The following RSRC1 variants were observed in gnomAD, a reference collection of about 807,000 sequenced individuals.
RSRC1 encodes the protein serine/Arginine-related protein 53.
A neutral mutation model predicts 49.1 loss-of-function variants in RSRC1; 39 were observed. The ratio of observed to expected loss-of-function variants is 0.79; its 90% confidence interval spans 0.61 to 1.04. The LOEUF (loss-of-function observed/expected upper bound fraction) is 1.04. Ranked by LOEUF, RSRC1 falls within the 50% of genes least tolerant of loss-of-function variation. The pLI, the probability that RSRC1 is intolerant of heterozygous loss-of-function variation, is 0.00. For missense variants in RSRC1, 388 were observed against 402.4 expected (o/e 0.96, Z 0.31); for synonymous variants, 143 against 130.8 (o/e 1.09, Z -0.63).
At chr3:158,317,189 G>A (rs1370809996) in intron 5 of RSRC1, among the ~76,000 whole-genome samples, 1 of 152,104 alleles carries the variant, frequency 6.6e-6, no homozygotes, top group East Asian at 1.9e-4. Flanking sequence ...GATAATGAGT[G>A]GGGTGCTCAT....
intron 5 of RSRC1, among the ~76,000 whole-genome samples, chr3:158,335,977 C>T (rs1480064680): frequency 2.6e-5 from 4 of 152,200 alleles, no homozygotes; most frequent in African/African-American, 9.6e-5. Flanking sequence ...CAGTAGCATC[C>T]TCTCAGTCAG....
At chr3:158,168,919 G>A (rs1364495740) in intron 3 of RSRC1, among the ~76,000 whole-genome samples, 2 of 151,936 alleles carry the variant, frequency 1.3e-5, no homozygotes, top group Non-Finnish European at 2.9e-5. Context: ...CCCCCTTTTG[G>A]CCAAGGGGAC....
intron 3 of RSRC1, among the ~76,000 whole-genome samples, chr3:158,199,745 T>G (rs142816427): frequency 3.2e-4 from 49 of 152,314 alleles, no homozygotes; most frequent in Non-Finnish European, 5.6e-4. Context: ...ATTTTTAAAT[T>G]TCCTTTGTGC....
chr3:158,258,174 C>T (rs1172711537), intron 4 of RSRC1, among the ~76,000 whole-genome samples: 4 of 144,996 alleles, frequency 2.8e-5, no homozygotes, highest in Non-Finnish European at 6.0e-5. Context: ...CTCATTAATG[C>T]CCTTTTCTTT....
intron 6 of RSRC1, among the ~76,000 whole-genome samples, chr3:158,416,626 TGTTGCCCCA>T (rs1355007936): frequency 6.6e-6 from 1 of 152,074 alleles, no homozygotes; most frequent in African/African-American, 2.4e-5. Context: ...TCAGCCTTTG[TGTTGCCCCA>T]GTTGATGCTA....
intron 3 of RSRC1, among the ~76,000 whole-genome samples, chr3:158,172,312 C>A (rs1381202964): frequency 5.9e-5 from 9 of 152,138 alleles, no homozygotes; most frequent in Non-Finnish European, 1.5e-5. Flanking sequence ...TTTAACTGTT[C>A]ACAATTTTAC....
chr3:158,173,411 G>A (rs377338979), intron 3 of RSRC1, among the ~76,000 whole-genome samples: 8 of 151,974 alleles, frequency 5.3e-5, no homozygotes, highest in East Asian at 1.9e-4. Flanking sequence ...AGCACAGTTC[G>A]TTGTTATTAA....
intron 7 of RSRC1, among the ~76,000 whole-genome samples, chr3:158,532,623 G>T (rs1177248939): frequency 6.7e-6 from 1 of 149,510 alleles, no homozygotes; most frequent in Non-Finnish European, 1.5e-5. Flanking sequence ...TCTATACTTT[G>T]AGTTAAGTAT....
At chr3:158,286,147 C>T (rs751308522) in intron 4 of RSRC1, among the ~76,000 whole-genome samples, 2 of 152,094 alleles carry the variant, frequency 1.3e-5, no homozygotes, top group Admixed American at 6.6e-5. Context: ...TACTTAAATC[C>T]TCATCGCTTT....
intron 4 of RSRC1, among the ~76,000 whole-genome samples, chr3:158,256,072 G>A (rs566729645): frequency 1.5e-3 from 224 of 152,158 alleles, no homozygotes; most frequent in African/African-American, 5.1e-3. Flanking sequence ...TTGTTTGATT[G>A]CCCTGGCCAG....
At chr3:158,486,940 G>GATCTTC (rs1738837473) in intron 7 of RSRC1, among the ~76,000 whole-genome samples, 1 of 152,166 alleles carries the variant, frequency 6.6e-6, no homozygotes, top group South Asian at 2.1e-4. Context: ...ACTGGATCTG[G>GATCTTC]ATCTTCCACC....
In RSRC1 at chr3:158,229,136, A is replaced by G. The variant is rs554631902; in HGVS notation, c.494+25891A>G. ...TATATAAACATACGTGTATATGTGT[A>G]TATAAACATACATACGTGTATATAT... On this transcript the variant is annotated intron_variant, in intron 4 of 9. Coordinates refer to ENST00000611884, the MANE Select transcript of RSRC1 (RefSeq NM_001271838.2). Among the ~76,000 whole-genome samples, 4 of 151,418 alleles carry G rather than the reference A, an allele frequency of 2.6e-5. 1 individual carries two copies. The highest frequency in any genetic ancestry group is 4.8e-5 in the African/African-American group (2 of 41,384).
chr3:158,261,105 AG>A (rs1173503815), intron 4 of RSRC1, among the ~76,000 whole-genome samples: 1 of 152,154 alleles, frequency 6.6e-6, no homozygotes, highest in African/African-American at 2.4e-5. Context: ...TGTTCCTGCC[AG>A]GGGGATGATC....
intron 6 of RSRC1, among the ~76,000 whole-genome samples, chr3:158,377,001 A>T (rs894855738): frequency 1.1e-4 from 16 of 152,128 alleles, no homozygotes; most frequent in African/African-American, 3.9e-4. Flanking sequence ...ATCCTTCAAG[A>T]TTCTTATCCT....
At chr3:158,147,806 C>G (rs2108207216) in intron 3 of RSRC1, among the ~76,000 whole-genome samples, 1 of 152,280 alleles carries the variant, frequency 6.6e-6, no homozygotes, top group East Asian at 1.9e-4. Context: ...ATATTATAAT[C>G]TGGCTGTGTA....
intron 3 of RSRC1, among the ~76,000 whole-genome samples, chr3:158,143,731 T>A (rs1289188904): frequency 1.3e-5 from 2 of 152,108 alleles, no homozygotes; most frequent in Non-Finnish European, 2.9e-5. Context: ...TTAGGGGTAA[T>A]AAAGCAGGAA....
At chr3:158,489,380 G>T (rs187933216) in intron 7 of RSRC1, among the ~76,000 whole-genome samples, 18 of 152,270 alleles carry the variant, frequency 1.2e-4, no homozygotes, top group Non-Finnish European at 2.4e-4. Flanking sequence ...TCATTAGGCT[G>T]GCTCAACCAC....
chr3:158,544,192 G>A lies in RSRC1; in HGVS notation c.922G>A (p.Glu308Lys), dbSNP rs140479858. 2,264 of 1,609,366 alleles carry A rather than the reference G, an allele frequency of 1.4e-3. 4 individuals are homozygous for A. The highest frequency in any genetic ancestry group is 1.7e-3 in the Non-Finnish European group (2,038 of 1,177,354). Residue 308 changes from glutamate (E) to lysine (K), a missense_variant, in exon 10 of 10, where the codon GAG becomes AAG. Glu to Lys is a moderately conservative substitution (Grantham distance 56). Transcript: ENST00000611884. ...TCTTTTCTTATTTCAGTTATTTATC[G>A]AGAAAGCTGATGCTGAGGAAAAATG... Reference protein sequence around the residue: ...NSLAHPNLFIEKADAEEKWFK... With the variant: ...NSLAHPNLFIKKADAEEKWFK...
chr3:158,420,352 G>A (rs569883921), intron 6 of RSRC1, among the ~76,000 whole-genome samples: 27 of 152,072 alleles, frequency 1.8e-4, no homozygotes, highest in Middle Eastern at 6.8e-3. Flanking sequence ...CTTGCCTTGA[G>A]ACACAGTAAA....
Sources: allele counts gnomAD v4.1 joint callset (sites outside exome capture counted in the v4.1 genomes callset), GRCh38; gene constraint gnomAD v4.1.1; transcripts MANE v1.5; gene names NCBI Gene and HGNC (gene_info 2026-07-23, HGNC 2026-07-21).